The following DCHS2 variants were observed in gnomAD, a reference collection of about 807,000 sequenced individuals.
DCHS2 encodes dachsous cadherin-related 2, also known as protocadherin-23.
In DCHS2, 142 loss-of-function variants were observed where a neutral mutation model predicts 182.4. The observed-to-expected ratio is 0.78, with a 90% CI of 0.68 to 0.89. The LOEUF is 0.89. DCHS2 is among the 40% of genes least tolerant of loss of function. The pLI is 0.00. For synonymous variants in DCHS2, 1,740 were observed against 1,663.3 expected, an observed-to-expected ratio of 1.05 and a Z score of -1.12; for missense variants, 4,319 against 4,198.6, an observed-to-expected ratio of 1.03 and a Z score of -0.79.
At position 154,235,097 on chromosome 4, in the gene DCHS2, C is replaced by T; in HGVS notation, c.9555G>A (p.Gln3185=). 6.2e-7 allele frequency: 1 copy of T among 1,613,976 alleles called. No individual in the cohort carries two copies. The highest frequency in any genetic ancestry group is 8.5e-7 in the Non-Finnish European group (1 of 1,179,960). Residue 3185 remains glutamine (Q), a synonymous_variant, in exon 20 of 20, where the codon CAG becomes CAA. Coordinates refer to ENST00000357232, the MANE Select transcript of DCHS2 (RefSeq NM_001358235.2). ...TTCAQNNVLP[Q]TVQKREAKES... ...CTTTTGCCTCTCTCTTCTGAACTGTCTGGGGTAACACATTATTTTGAGCAC... is the reference window on the plus strand; with the variant it reads ...CTTTTGCCTCTCTCTTCTGAACTGTTTGGGGTAACACATTATTTTGAGCAC...
chr4:154,313,272 CAGTTTTAATACCTT>C (rs1192694075), intron 10 of DCHS2, among the ~76,000 whole-genome samples: 1 of 152,102 alleles, frequency 6.6e-6, no homozygotes, highest in Non-Finnish European at 1.5e-5. Flanking sequence ...AATGCTGCAG[CAGTTTTAATACCTT>C]AGTTAAAATC....
At chr4:154,243,993 T>A (rs942920014) in intron 16 of DCHS2, among the ~76,000 whole-genome samples, 2 of 152,232 alleles carry the variant, frequency 1.3e-5, no homozygotes, top group Non-Finnish European at 2.9e-5. Context: ...AACTTTTTTG[T>A]TCTTGCTTTT....
chr4:154,239,024 T>C, intron 19 of DCHS2, 146 bp downstream of exon 19: 1 of 1,089,378 alleles, frequency 9.2e-7, no homozygotes, highest in Non-Finnish European at 1.2e-6. Flanking sequence ...GCACTTCATG[T>C]GAAGAGTAAT....
chr4:154,236,701 T>A lies in DCHS2; in HGVS notation c.7951A>T (p.Ile2651Leu). The change falls in exon 20 of 20, where the codon ATA becomes TTA. Residue 2651 changes from isoleucine to leucine, a missense_variant. Transcript: ENST00000357232. ...TTGACATCAAGTACTTGTATTGATA[T>A]GACAGCTGTGGAACTCAATGGAGGG... ...GCPPLSSTAVISIQVLDVNDN... is the reference protein window; with the variant it reads ...GCPPLSSTAVLSIQVLDVNDN... 1 of 1,614,008 alleles carries A rather than the reference T, an allele frequency of 6.2e-7. No individual in the cohort carries two copies. Among genetic ancestry groups the A allele is most frequent in the Non-Finnish European group, 8.5e-7 (1 of 1,179,956 alleles).
At position 154,428,442 on chromosome 4, in the gene DCHS2, G is replaced by A. The variant is rs942778342; in HGVS notation, c.2053-50998C>T. On this transcript the variant is annotated intron_variant, in intron 1 of 19. Transcript: ENST00000357232. ...TGATTTCATCTACTCAGGAGGCAGA[G>A]GCAGGAGGATTGCTTCAGTCTAGGA... Among the ~76,000 whole-genome samples, 14 of 152,034 alleles carry A rather than the reference G, an allele frequency of 9.2e-5. 1 individual carries two copies. Among genetic ancestry groups the A allele is most frequent in the Non-Finnish European group, 1.5e-4 (10 of 68,012 alleles).
At chr4:154,250,162 A>G (rs1460659910) in intron 16 of DCHS2, among the ~76,000 whole-genome samples, 1 of 152,138 alleles carries the variant, frequency 6.6e-6, no homozygotes, top group Non-Finnish European at 1.5e-5. Flanking sequence ...CTCACAACCA[A>G]TACCTCATGG....
chr4:154,467,812 A>G (rs1735300155), intron 1 of DCHS2, among the ~76,000 whole-genome samples: 1 of 152,200 alleles, frequency 6.6e-6, no homozygotes, highest in African/African-American at 2.4e-5. Context: ...TGTTTAAAAC[A>G]AGGTATATCT....
At chr4:154,290,388 A>G (rs1249320701) in intron 13 of DCHS2, among the ~76,000 whole-genome samples, 2 of 152,122 alleles carry the variant, frequency 1.3e-5, no homozygotes, top group Admixed American at 1.3e-4. Context: ...TAAAGATTCA[A>G]TGCAATCCCT....
rs1446229337 is a variant in DCHS2 at position 154,490,270 on chromosome 4, G to T, written c.1086C>A (p.Ser362Arg). ...DAAYFAVEEL[S>R]GVVRVWRPLD... is the part of the protein sequence containing the mutation. ...GAGGTCTCCACACTCGCACCACGCC[G>T]CTCAGCTCCTCCACCGCGAAGTAGG... The change falls in exon 1 of 20, where the codon AGC becomes AGA. Residue 362 changes from serine to arginine, a missense_variant. Physicochemically the swap from Ser to Arg is moderately radical, Grantham distance 110. Transcript: ENST00000357232. The T allele has an allele frequency of 7.9e-5, 122 of 1,548,722 alleles. No individual in the cohort carries two copies. Among genetic ancestry groups the T allele is most frequent in the Non-Finnish European group, 1.0e-4 (115 of 1,146,770 alleles).
chr4:154,305,175 C>G lies in DCHS2; in HGVS notation c.5317G>C (p.Glu1773Gln), dbSNP rs759769096. Residue 1773 changes from glutamate to glutamine, a missense_variant, in exon 11 of 20, where the codon GAG (glutamate) becomes CAG (glutamine). Physicochemically the swap from Glu to Gln is conservative, Grantham distance 29 (BLOSUM62 2). Coordinates refer to ENST00000357232, the MANE Select transcript of DCHS2 (RefSeq NM_001358235.2). ...ACCTCTCCAGTGTCAGAATTTATCT[C>G]GAATAATTCAAATGAAGCACCTGGC... Reference protein sequence around the residue: ...IMPGASFELFEINSDTGEVVT... With the variant: ...IMPGASFELFQINSDTGEVVT... 3.7e-6 allele frequency: 6 copies of G among 1,612,406 alleles called. No homozygotes were observed. In the African/African-American group the frequency reaches 5.3e-5, roughly 14 times the overall value.
intron 3 of DCHS2, among the ~76,000 whole-genome samples, chr4:154,353,268 C>A (rs1729702154): frequency 1.3e-5 from 2 of 151,888 alleles, no homozygotes; most frequent in Admixed American, 1.3e-4. Flanking sequence ...TCAAAGAATT[C>A]CTCAGATAAA....
chr4:154,282,791 T>A (rs1186544046), intron 13 of DCHS2, among the ~76,000 whole-genome samples: 1 of 152,132 alleles, frequency 6.6e-6, no homozygotes, highest in Non-Finnish European at 1.5e-5. Flanking sequence ...TGTCCCTCAA[T>A]GAATGAATGG....
intron 3 of DCHS2, among the ~76,000 whole-genome samples, chr4:154,349,521 T>C (rs367632246): frequency 6.6e-6 from 1 of 152,224 alleles, no homozygotes; most frequent in African/African-American, 2.4e-5. Flanking sequence ...TGTGTTTCTA[T>C]GTCCCTGTAT....
chr4:154,274,962 C>T (rs1733770638), intron 13 of DCHS2, among the ~76,000 whole-genome samples: 1 of 151,934 alleles, frequency 6.6e-6, no homozygotes, highest in Admixed American at 6.6e-5. Flanking sequence ...AACCCTCATA[C>T]ACAAGCCCCA....
In DCHS2 at chr4:154,491,366, G is replaced by T; in HGVS notation, c.-11C>A. On this transcript the variant is annotated 5_prime_UTR_variant, in exon 1 of 20. It adds an upstream start codon to the 5' untranslated region. Coordinates refer to ENST00000357232, the MANE Select transcript of DCHS2 (RefSeq NM_001358235.2). Reference sequence around the variant, plus strand: ...CCCACAAGGGCTCATTTCTCCTCCAGCTCCTTGGGAAGGCTCTCGGGTAAC... The same window carrying T: ...CCCACAAGGGCTCATTTCTCCTCCATCTCCTTGGGAAGGCTCTCGGGTAAC... 1 of 1,504,290 alleles carries T rather than the reference G, an allele frequency of 6.6e-7. No individual in the cohort carries two copies. The allele number at this position is 1,504,290 out of a possible 1,614,324, so 93.2% of individuals were successfully genotyped here. A position where few individuals can be genotyped will look rare whatever the true frequency, so the allele number is the denominator to read the frequency against.
chr4:154,416,366 C>G (rs1732833462), intron 1 of DCHS2, among the ~76,000 whole-genome samples: 1 of 152,216 alleles, frequency 6.6e-6, no homozygotes, highest in Non-Finnish European at 1.5e-5. Context: ...ATCCCAGGAT[C>G]ATTAGCAGCT....
chr4:154,239,183 A>G lies in DCHS2; in HGVS notation c.7479T>C (p.Ile2493=). ...TAAATAACTCACCATTCTTAGGATC[A>G]ATGGAGAATTCCTTAGAAGAGGATA... The part of the protein sequence containing the change: ...RILSSSKEFS[I]DPKNGTIFTI... The change falls in exon 19 of 20, where the codon ATT becomes ATC. Residue 2493 remains isoleucine, a synonymous_variant. Coordinates refer to ENST00000357232, the MANE Select transcript of DCHS2 (RefSeq NM_001358235.2). 1 of 1,612,334 alleles carries G rather than the reference A, an allele frequency of 6.2e-7. No individual in the cohort carries two copies. The highest frequency in any genetic ancestry group is 8.5e-7 in the Non-Finnish European group (1 of 1,179,364).
At chr4:154,420,156 T>C (rs1025137332) in intron 1 of DCHS2, among the ~76,000 whole-genome samples, 2 of 151,568 alleles carry the variant, frequency 1.3e-5, no homozygotes, top group African/African-American at 4.9e-5. Context: ...GTAGATTTGA[T>C]GGGCTGGGGA....
rs1443522594 is a variant in DCHS2, at chr4:154,234,616, A to G, written c.10036T>C (p.Leu3346=). The change falls in exon 20 of 20, where the codon TTG becomes CTG. Residue 3346 remains leucine (L), a synonymous_variant. Coordinates refer to ENST00000357232, the MANE Select transcript of DCHS2 (RefSeq NM_001358235.2). ...GTTCCTAATAATTCTCCTTCTCTCA[A>G]CAGTGGAGACAAGGCAGGAGGCTGC... The part of the protein sequence containing the change: ...TMQPPALSPL[L]REGELLGTHI... 6.2e-6 allele frequency: 10 copies of G among 1,614,006 alleles called. No homozygotes were observed. Among genetic ancestry groups the G allele is most frequent in the Admixed American group, 1.7e-5 (1 of 60,002 alleles).
Sources: gnomAD v4.1 joint callset for allele counts (sites outside exome capture counted in the v4.1 genomes callset) on GRCh38, gnomAD v4.1.1 for gene constraint, MANE v1.5 for transcripts, NCBI Gene and HGNC (gene_info 2026-07-23, HGNC 2026-07-21) for gene names.